Variants in CDK6 observed in about 807,000 individuals in gnomAD.
CDK6 encodes cyclin dependent kinase 6, also known as cyclin-dependent kinase 6.
In CDK6, 6 loss-of-function variants were observed where a neutral mutation model predicts 37.1. The observed-to-expected ratio is 0.16, with a 90% CI of 0.09 to 0.32. The LOEUF is 0.32. CDK6 is among the 10% of genes least tolerant of loss of function. CDK6 has a pLI of 1.00. For synonymous variants in CDK6, 160 were observed against 161.3 expected (o/e 0.99, Z 0.06); for missense variants, 224 against 418.9 (o/e 0.53, Z 4.06).
intron 4 of CDK6, among the ~76,000 whole-genome samples, chr7:92,688,882 C>T (rs764036940): frequency 1.3e-4 from 20 of 152,106 alleles, no homozygotes; most frequent in Non-Finnish European, 1.8e-4. Flanking sequence ...GTCACATTTC[C>T]ATTTGTTGTG....
rs2116619826 is a variant in CDK6 at position 92,679,174 on chromosome 7, C to T, written c.538-7639G>A. ...CATCTATTTCCTGTTGGGACCCTGG[C>T]TGATACATCCTGTTTATAGATGGAG... On this transcript the variant is annotated intron_variant, in intron 4 of 7. Coordinates refer to ENST00000424848, the MANE Select transcript of CDK6 (RefSeq NM_001145306.2). 2.0e-5 allele frequency among the ~76,000 whole-genome samples: 3 copies of T among 152,302 alleles called. No individual in the cohort carries two copies. In the South Asian group the frequency reaches 6.2e-4, roughly 32 times the overall value.
chr7:92,817,232 TA>T (rs1019133428), intron 2 of CDK6, among the ~76,000 whole-genome samples: 5 of 151,640 alleles, frequency 3.3e-5, no homozygotes, highest in African/African-American at 4.8e-5. Flanking sequence ...AGAGTTATTA[TA>T]AAAAAAATTA....
chr7:92,672,168 C>CACAT (rs1554401695), intron 4 of CDK6, among the ~76,000 whole-genome samples: 12 of 92,772 alleles, frequency 1.3e-4, no homozygotes, highest in East Asian at 1.2e-3. Flanking sequence ...TATACACATA[C>CACAT]ACACACACAC....
intron 5 of CDK6, among the ~76,000 whole-genome samples, chr7:92,625,196 G>A (rs576585002): frequency 1.3e-5 from 2 of 150,340 alleles, no homozygotes; most frequent in East Asian, 3.9e-4. Flanking sequence ...GCTTATAGCA[G>A]AGTTACAATT....
At chr7:92,826,603 A>T (rs1200916794) in intron 2 of CDK6, among the ~76,000 whole-genome samples, 1 of 152,182 alleles carries the variant, frequency 6.6e-6, no homozygotes, top group East Asian at 1.9e-4. Context: ...ACAAATACAG[A>T]GGAAGAACAT....
At chr7:92,683,563 A>T (rs1797382337) in intron 4 of CDK6, among the ~76,000 whole-genome samples, 1 of 152,242 alleles carries the variant, frequency 6.6e-6, no homozygotes, top group Non-Finnish European at 1.5e-5. Flanking sequence ...TAGCTCATTC[A>T]GCTCATTCTG....
chr7:92,820,093 G>T (rs1033897535), intron 2 of CDK6, among the ~76,000 whole-genome samples: 2 of 151,958 alleles, frequency 1.3e-5, no homozygotes, highest in Non-Finnish European at 2.9e-5. Flanking sequence ...TAGTATTTCT[G>T]GAGAACACAG....
chr7:92,676,658 G>A (rs961878145), intron 4 of CDK6, among the ~76,000 whole-genome samples: 2 of 151,978 alleles, frequency 1.3e-5, no homozygotes, highest in Non-Finnish European at 2.9e-5. Context: ...CAAAGTGAAG[G>A]TTTTCTAAAC....
At chr7:92,828,371 T>A (rs1801385787) in intron 2 of CDK6, among the ~76,000 whole-genome samples, 1 of 152,108 alleles carries the variant, frequency 6.6e-6, no homozygotes. Context: ...TCACCCGATT[T>A]AACTGCTTCC....
At chr7:92,672,343 C>G (rs1459352681) in intron 4 of CDK6, among the ~76,000 whole-genome samples, 1 of 150,764 alleles carries the variant, frequency 6.6e-6, no homozygotes, top group South Asian at 2.1e-4. Context: ...CTTGGGGAAT[C>G]AAAGTAAAAC....
At chr7:92,753,184 G>A (rs1304853191) in intron 3 of CDK6, among the ~76,000 whole-genome samples, 1 of 151,962 alleles carries the variant, frequency 6.6e-6, no homozygotes, top group Non-Finnish European at 1.5e-5. Context: ...GTTCAGAAGT[G>A]GATTTAATCT....
At chr7:92,751,324 T>C (rs1289064644) in intron 3 of CDK6, among the ~76,000 whole-genome samples, 1 of 152,172 alleles carries the variant, frequency 6.6e-6, no homozygotes, top group Non-Finnish European at 1.5e-5. Context: ...AGAAAAGAAG[T>C]GTTCGAGATA....
chr7:92,617,646 C>T (rs933998552), intron 7 of CDK6, among the ~76,000 whole-genome samples: 3 of 152,188 alleles, frequency 2.0e-5, no homozygotes, highest in Non-Finnish European at 2.9e-5. Context: ...AGAAGTATTG[C>T]TATATAGTTC....
chr7:92,616,728 C>T (rs1160042316), intron 7 of CDK6, among the ~76,000 whole-genome samples: 2 of 152,194 alleles, frequency 1.3e-5, no homozygotes, highest in African/African-American at 2.4e-5. Flanking sequence ...ATTCACAATA[C>T]AGAGACATGT....
chr7:92,625,435 T>TATC (rs1192648990), intron 5 of CDK6, among the ~76,000 whole-genome samples: 1 of 151,752 alleles, frequency 6.6e-6, no homozygotes, highest in African/African-American at 2.4e-5. Context: ...CTTACAACTT[T>TATC]ATCAAGAAAA....
At chr7:92,686,184 C>T (rs1797448056) in intron 4 of CDK6, among the ~76,000 whole-genome samples, 1 of 152,102 alleles carries the variant, frequency 6.6e-6, no homozygotes, top group South Asian at 2.1e-4. Context: ...TATTTTTGTA[C>T]ATGAGTAAGT....
chr7:92,765,762 C>G (rs1422184220), intron 3 of CDK6, among the ~76,000 whole-genome samples: 1 of 151,862 alleles, frequency 6.6e-6, no homozygotes, highest in African/African-American at 2.4e-5. Flanking sequence ...GATTAAAAAA[C>G]AAACATAAAA....
rs2115784104 is a variant in CDK6 at position 92,774,700 on chromosome 7, A to T, written c.365T>A (p.Ile122Lys). 6.2e-7 allele frequency: 1 copy of T among 1,603,312 alleles called. No homozygotes were observed. The highest frequency in any genetic ancestry group is 8.5e-7 in the Non-Finnish European group (1 of 1,176,302). Residue 122 changes from isoleucine to lysine, a missense_variant, in exon 3 of 8, where the codon ATA becomes AAA. Transcript: ENST00000424848. The part of the protein sequence containing the change: ...VPEPGVPTET[I>K]KDMMFQLLRG... ...CATGAAGATGATTCTTGATACCTTT[A>T]TGGTTTCAGTGGGCACTCCAGGCTC...
At chr7:92,758,593 T>C (rs1799374032) in intron 3 of CDK6, among the ~76,000 whole-genome samples, 1 of 152,150 alleles carries the variant, frequency 6.6e-6, no homozygotes, top group South Asian at 2.1e-4. Context: ...TTCTTTTTGC[T>C]TAGGATTGCC....
Sources: allele counts gnomAD v4.1 joint callset (sites outside exome capture counted in the v4.1 genomes callset), GRCh38; gene constraint gnomAD v4.1.1; transcripts MANE v1.5; gene names NCBI Gene and HGNC (gene_info 2026-07-23, HGNC 2026-07-21).